Variants in HYCC1 observed in about 807,000 individuals in gnomAD.
The protein encoded by HYCC1 is hyccin.
At chr7:22,936,494 AT>A in the HYCC1 span, 1 of 152,246 alleles carries the variant, frequency 6.6e-6, no homozygotes, top group African/African-American at 2.4e-5. Flanking sequence ...CCATCTGATT[AT>A]TTAGCACCTC....
At chr7:22,914,778 C>A in the HYCC1 span, among the ~76,000 whole-genome samples, 3 of 152,104 alleles carry the variant, frequency 2.0e-5, no homozygotes, top group Non-Finnish European at 2.9e-5. Context: ...CTCCCCTCCT[C>A]CCCAGTCTGC....
At chr7:22,955,455 C>T in the HYCC1 span, among the ~76,000 whole-genome samples, 202 of 151,592 alleles carry the variant, frequency 1.3e-3, no homozygotes, top group African/African-American at 4.5e-3. Flanking sequence ...ATAAAAAAAT[C>T]GAGATTCCAC....
the HYCC1 span, among the ~76,000 whole-genome samples, chr7:22,958,439 G>A: frequency 6.6e-6 from 1 of 152,024 alleles, no homozygotes; most frequent in African/African-American, 2.4e-5. Context: ...TCTCATCTGT[G>A]ACTTTATTGT....
At chr7:22,911,762 AT>A in the HYCC1 span, among the ~76,000 whole-genome samples, 1 of 152,208 alleles carries the variant, frequency 6.6e-6, no homozygotes, top group Non-Finnish European at 1.5e-5. Flanking sequence ...ATATCAAAAA[AT>A]CGTAATAATA....
At chr7:22,896,606 T>C in the HYCC1 span, among the ~76,000 whole-genome samples, 1 of 152,182 alleles carries the variant, frequency 6.6e-6, no homozygotes, top group Admixed American at 6.5e-5. Flanking sequence ...TATACAATTG[T>C]CTTTTGGTTA....
At chr7:22,983,868 A>G in the HYCC1 span, 3 of 856,092 alleles carry the variant, frequency 3.5e-6, no homozygotes, top group Non-Finnish European at 6.0e-6. Flanking sequence ...TTACCCCTTT[A>G]TATCTATTTC....
the HYCC1 span, among the ~76,000 whole-genome samples, chr7:22,911,189 G>A: frequency 1.4e-4 from 22 of 152,268 alleles, no homozygotes; most frequent in South Asian, 2.3e-3. Context: ...GGACCTGTGC[G>A]ATGGCCATCA....
chr7:22,956,643 C>A, the HYCC1 span, among the ~76,000 whole-genome samples: 1 of 151,756 alleles, frequency 6.6e-6, no homozygotes. Context: ...TAGGTCCTTA[C>A]AAACGTACCA....
At chr7:22,987,908 C>G in the HYCC1 span, among the ~76,000 whole-genome samples, 1 of 152,034 alleles carries the variant, frequency 6.6e-6, no homozygotes, top group East Asian at 1.9e-4. Context: ...CAAGCAGAAG[C>G]TTTTCTAGAA....
the HYCC1 span, chr7:22,940,750 G>T: frequency 6.6e-5 from 10 of 151,314 alleles, no homozygotes; most frequent in African/African-American, 2.4e-4. Flanking sequence ...CACGCACAAA[G>T]TCCTATCTAG....
At chr7:22,983,967 C>G in the HYCC1 span, 2 of 1,601,944 alleles carry the variant, frequency 1.2e-6, no homozygotes, top group South Asian at 2.2e-5. Context: ...TCCTGGATAA[C>G]TTTATAGAGA....
At chr7:23,008,565 G>GA in the HYCC1 span, among the ~76,000 whole-genome samples, 1 of 151,904 alleles carries the variant, frequency 6.6e-6, no homozygotes, top group African/African-American at 2.4e-5. Flanking sequence ...GAGAAATACT[G>GA]AAAATGTTTT....
chr7:22,962,011 G>A, the HYCC1 span, among the ~76,000 whole-genome samples: 2 of 152,072 alleles, frequency 1.3e-5, no homozygotes, highest in Non-Finnish European at 2.9e-5. Context: ...ATTACATCAA[G>A]AGTGCAAGCG....
At chr7:22,971,133 T>A in the HYCC1 span, among the ~76,000 whole-genome samples, 2 of 151,724 alleles carry the variant, frequency 1.3e-5, no homozygotes, top group African/African-American at 2.4e-5. Flanking sequence ...AAAAATAAAC[T>A]TTTGGGATTG....
the HYCC1 span, among the ~76,000 whole-genome samples, chr7:22,961,047 G>A: frequency 1.3e-5 from 2 of 152,078 alleles, no homozygotes; most frequent in Non-Finnish European, 2.9e-5. Context: ...GCTAAACTCC[G>A]TCTCAAAGAA....
At chr7:22,906,999 G>A in the HYCC1 span, among the ~76,000 whole-genome samples, 8 of 150,862 alleles carry the variant, frequency 5.3e-5, no homozygotes, top group Non-Finnish European at 1.2e-4. Context: ...CAGCTACTCG[G>A]GAGGCTGAGG....
chr7:22,950,647 A>C, the HYCC1 span, among the ~76,000 whole-genome samples: 1 of 152,000 alleles, frequency 6.6e-6, no homozygotes, highest in Non-Finnish European at 1.5e-5. Flanking sequence ...GGAAAAGTGA[A>C]GGAGCCGTCT....
At chr7:23,011,973 C>T in the HYCC1 span, among the ~76,000 whole-genome samples, 527 of 152,286 alleles carry the variant, frequency 3.5e-3, 5 homozygotes, top group African/African-American at 0.012. Context: ...CCACTGACTA[C>T]ATAGTATTAT....
At chr7:22,918,068 G>A in the HYCC1 span, among the ~76,000 whole-genome samples, 1 of 152,078 alleles carries the variant, frequency 6.6e-6, no homozygotes, top group East Asian at 1.9e-4. Context: ...TTTAAAAGAA[G>A]AGTGTTGTTT....
Sources: allele counts gnomAD v4.1 joint callset (sites outside exome capture counted in the v4.1 genomes callset), GRCh38; gene constraint gnomAD v4.1.1; transcripts MANE v1.5; gene names NCBI Gene and HGNC (gene_info 2026-07-23, HGNC 2026-07-21).